Variants in KAT6A observed in about 807,000 individuals in gnomAD.
The protein encoded by KAT6A is lysine acetyltransferase 6A, also known as histone acetyltransferase KAT6A.
KAT6A carries 9 observed loss-of-function variants against 198.4 expected under a neutral mutation model. The observed-to-expected ratio is 0.05, with a 90% CI of 0.03 to 0.08. KAT6A has a LOEUF of 0.08. Among genes scored for constraint, KAT6A ranks in the 10% least tolerant of loss-of-function variants. The pLI is 1.00. For missense variants in KAT6A, 2,077 were observed against 2,509.9 expected (o/e 0.83, Z 3.69); for synonymous variants, 890 against 883.0 (o/e 1.01, Z -0.14).
chr8:41,989,814 C>A (rs952241273), intron 2 of KAT6A, among the ~76,000 whole-genome samples: 2 of 151,956 alleles, frequency 1.3e-5, no homozygotes, highest in African/African-American at 4.8e-5. Context: ...AGAGAATAAG[C>A]CAGAAAAGCA....
intron 11 of KAT6A, among the ~76,000 whole-genome samples, chr8:41,946,933 C>T (rs1415070646): frequency 6.6e-6 from 1 of 152,162 alleles, no homozygotes. Flanking sequence ...ACACCATCTG[C>T]AACTCAAACA....
chr8:42,001,426 G>C (rs1207687370), intron 2 of KAT6A, among the ~76,000 whole-genome samples: 1 of 152,196 alleles, frequency 6.6e-6, no homozygotes. Flanking sequence ...TTGAAATGTA[G>C]AGTAAGTGGC....
At position 41,933,500 on chromosome 8, in the gene KAT6A, C is replaced by T. The variant is rs1417273917; in HGVS notation, c.4720G>A (p.Gly1574Ser). The change falls in exon 17 of 17, where the codon GGC (glycine) becomes AGC (serine). Residue 1574 changes from glycine (G) to serine (S), a missense_variant. By Grantham distance (56) the Gly-to-Ser change is moderately conservative. Transcript: ENST00000265713. This position sits in a 1 kb window ranked among gnomAD's most constrained non-coding sequence, Gnocchi z 6.2. ...ENPSSYDSTMGGSICGNSSSQ... is the reference protein window; with the variant it reads ...ENPSSYDSTMSGSICGNSSSQ... Reference sequence around the variant, plus strand: ...GAGCTGTTCCCACAGATGCTGCCGCCCATCGTGGAGTCGTAACTGCTTGGG... The same window carrying T: ...GAGCTGTTCCCACAGATGCTGCCGCTCATCGTGGAGTCGTAACTGCTTGGG... 7 of 1,613,806 alleles carry T rather than the reference C, an allele frequency of 4.3e-6. No individual in the cohort carries two copies. The highest frequency in any genetic ancestry group is 5.9e-6 in the Non-Finnish European group (7 of 1,179,790).
intron 16 of KAT6A, among the ~76,000 whole-genome samples, chr8:41,935,741 T>C (rs1161785642): frequency 1.3e-5 from 2 of 152,154 alleles, no homozygotes; most frequent in Non-Finnish European, 2.9e-5. Context: ...TAGTAGTAAC[T>C]TGAAAGTCAA....
At position 41,941,257 on chromosome 8, in the gene KAT6A, G is replaced by T; in HGVS notation, c.2624C>A (p.Thr875Asn). ...RGRWGRKNRK[T>N]QERFGDKDSK... ...ATCTTTATCACCAAAACGTTCCTGG[G>T]TTTTTCTGTTCTTCCTCCCCCAGCG... Residue 875 changes from threonine (T) to asparagine (N), a missense_variant, in exon 15 of 17, where the codon ACC becomes AAC. Around this residue, in one of 13 missense-constraint regions of KAT6A, gnomAD observed 301 missense variants for 272.2 expected, o/e 1.11. Coordinates refer to ENST00000265713, the MANE Select transcript of KAT6A (RefSeq NM_006766.5). The T allele has an allele frequency of 6.2e-7, 1 of 1,614,014 alleles. No homozygotes were observed. Among genetic ancestry groups the T allele is most frequent in the South Asian group, 1.1e-5 (1 of 91,072 alleles).
intron 2 of KAT6A, among the ~76,000 whole-genome samples, chr8:42,000,410 G>A (rs1457372790): frequency 6.6e-6 from 1 of 152,010 alleles, no homozygotes; most frequent in Non-Finnish European, 1.5e-5. Flanking sequence ...AATTAGCGGG[G>A]TGTGGTGGCA....
chr8:42,005,821 A>T (rs1825719160), intron 2 of KAT6A, among the ~76,000 whole-genome samples: 1 of 149,930 alleles, frequency 6.7e-6, no homozygotes, highest in Non-Finnish European at 1.5e-5. Flanking sequence ...CTCCCCATCC[A>T]TCCATCCATC....
intron 8 of KAT6A, among the ~76,000 whole-genome samples, chr8:41,970,329 C>A (rs948544395): frequency 6.6e-6 from 1 of 152,146 alleles, no homozygotes; most frequent in Non-Finnish European, 1.5e-5. Context: ...ACAGACAATG[C>A]TGAGTTTAAT....
chr8:42,044,266 G>C (rs931001820), intron 2 of KAT6A, among the ~76,000 whole-genome samples: 1 of 151,820 alleles, frequency 6.6e-6, no homozygotes, highest in African/African-American at 2.4e-5. Context: ...ATGCCGGGCT[G>C]ATTTTTGTAT....
chr8:42,007,696 C>T (rs1273023717), intron 2 of KAT6A, among the ~76,000 whole-genome samples: 1 of 152,114 alleles, frequency 6.6e-6, no homozygotes, highest in Non-Finnish European at 1.5e-5. Context: ...GGCGCAGTGG[C>T]TCAAGCCTGT....
At chr8:42,024,001 TG>T (rs1271405158) in intron 2 of KAT6A, among the ~76,000 whole-genome samples, 1 of 152,174 alleles carries the variant, frequency 6.6e-6, no homozygotes, top group African/African-American at 2.4e-5. Context: ...TCATCTCCTG[TG>T]GTAACAATGC....
At chr8:42,016,690 T>C (rs983686058) in intron 2 of KAT6A, among the ~76,000 whole-genome samples, 1 of 152,172 alleles carries the variant, frequency 6.6e-6, no homozygotes, top group African/African-American at 2.4e-5. Flanking sequence ...GATATACAAG[T>C]AGATGGCTTT....
chr8:42,007,961 C>CAAAAAAAAAAAAA (rs988491987), intron 2 of KAT6A, among the ~76,000 whole-genome samples: 2 of 42,894 alleles, frequency 4.7e-5, no homozygotes, highest in African/African-American at 1.8e-4. Context: ...GACTCCGTCT[C>CAAAAAAAAAAAAA]AAAAAAAAAA....
At chr8:41,963,637 G>C (rs1823316977) in intron 8 of KAT6A, among the ~76,000 whole-genome samples, 1 of 152,078 alleles carries the variant, frequency 6.6e-6, no homozygotes, top group Non-Finnish European at 1.5e-5. Context: ...CCTTGCTCAG[G>C]TGTTCCTCAA....
In KAT6A at chr8:41,946,503, C is replaced by T. The variant is rs1302146505; in HGVS notation, c.1996+88G>A. On this transcript the variant is annotated intron_variant, in intron 12 of 16. Transcript: ENST00000265713. ...TTAAATATATATATATACACACACA[C>T]ACACACACACACACACACACACACA... 5 of 468,556 alleles carry T rather than the reference C, an allele frequency of 1.1e-5. No individual in the cohort carries two copies. The highest frequency in any genetic ancestry group is 3.0e-5 in the East Asian group (1 of 33,546). 29.0% of individuals were successfully genotyped at this position (468,556 alleles called of 1,614,324 possible). A position where few individuals can be genotyped will look rare whatever the true frequency, so the allele number is the denominator to read the frequency against.
intron 8 of KAT6A, among the ~76,000 whole-genome samples, chr8:41,965,231 G>C (rs888501786): frequency 6.6e-6 from 1 of 152,108 alleles, no homozygotes; most frequent in African/African-American, 2.4e-5. Context: ...TGGGTTTTTT[G>C]TATGTTGTAA....
intron 2 of KAT6A, among the ~76,000 whole-genome samples, chr8:41,992,445 G>A (rs367900654): frequency 2.0e-5 from 3 of 152,296 alleles, no homozygotes; most frequent in African/African-American, 4.8e-5. Context: ...GAAGACAAAT[G>A]TAATAAAAGA....
intron 9 of KAT6A, among the ~76,000 whole-genome samples, chr8:41,950,613 G>A (rs1279704259): frequency 1.3e-5 from 2 of 152,178 alleles, no homozygotes; most frequent in South Asian, 4.2e-4. Flanking sequence ...CCTATAATAC[G>A]AATCAGAGAA....
At chr8:41,947,552 C>G (rs1002922286) in intron 11 of KAT6A, among the ~76,000 whole-genome samples, 199 bp downstream of exon 11, 1 of 152,092 alleles carries the variant, frequency 6.6e-6, no homozygotes, top group Non-Finnish European at 1.5e-5. Flanking sequence ...GTCCATAATC[C>G]TAGGAGAATA....
Sources: allele counts gnomAD v4.1 joint callset (sites outside exome capture counted in the v4.1 genomes callset), GRCh38; gene constraint gnomAD v4.1.1; regional missense constraint gnomAD v4.1.1; non-coding constraint Gnocchi (gnomAD v3.1); transcripts MANE v1.5; gene names NCBI Gene and HGNC (gene_info 2026-07-23, HGNC 2026-07-21).